The following ACER3 variants were observed in gnomAD, a reference collection of about 807,000 sequenced individuals.
The protein encoded by ACER3 is alkCDase 3.
A neutral mutation model predicts 48.9 loss-of-function variants in ACER3; 16 were observed. The observed-to-expected ratio is 0.33, with a 90% confidence interval of 0.22 to 0.50. ACER3 has a LOEUF of 0.50. Among genes scored for constraint, ACER3 ranks in the 20% least tolerant of loss-of-function variants. The probability of loss-of-function intolerance (pLI) is 0.98; values close to 1 mark genes in which losing one functional copy is unlikely to be tolerated. For missense variants in ACER3, 227 were observed against 326.0 expected (o/e 0.70, Z 2.34); for synonymous variants, 109 against 107.8 (o/e 1.01, Z -0.07).
chr11:76,896,348 A>G (rs1476782263), intron 1 of ACER3, among the ~76,000 whole-genome samples: 1 of 152,078 alleles, frequency 6.6e-6, no homozygotes, highest in Non-Finnish European at 1.5e-5. Flanking sequence ...CTCCTATGCC[A>G]TAGTTAAGGG....
intron 2 of ACER3, among the ~76,000 whole-genome samples, chr11:76,932,696 C>T (rs1426841550): frequency 6.6e-6 from 1 of 152,118 alleles, no homozygotes; most frequent in African/African-American, 2.4e-5. Context: ...CTACGTGCAA[C>T]CCACACTTTC....
intron 2 of ACER3, among the ~76,000 whole-genome samples, chr11:76,953,327 G>T (rs112886599): frequency 0.026 from 4,016 of 152,174 alleles, 173 homozygotes; most frequent in African/African-American, 0.092. Context: ...GGCTGGGTGC[G>T]GTGGCTTACA....
In ACER3 at chr11:77,019,752, C is replaced by G. The variant is rs1380662168; in HGVS notation, c.726C>G (p.Tyr242Ter). The G allele has an allele frequency of 2.5e-6, 4 of 1,613,882 alleles. No homozygotes were observed. Among genetic ancestry groups the G allele is most frequent in the Non-Finnish European group, 3.4e-6 (4 of 1,179,976 alleles). Residue 242 changes from tyrosine (Y) to a stop codon, truncating the protein, a stop_gained, in exon 10 of 11, where the codon TAC becomes TAG. Coordinates refer to ENST00000532485, the MANE Select transcript of ACER3 (RefSeq NM_018367.7). LOFTEE classifies it high-confidence loss of function. ...TCAGTTTGTATACAAGAACACTTTA[C>G]CTGAGATATAGGCCAAAAGTGAAGG... ...ILFSLYTRTL[Y>*]LRYRPKVKFL...
intron 3 of ACER3, among the ~76,000 whole-genome samples, chr11:76,968,471 G>A (rs1275061722): frequency 6.6e-6 from 1 of 152,114 alleles, no homozygotes; most frequent in African/African-American, 2.4e-5. Context: ...CCAAAAAAGA[G>A]CCCGCATAGC....
Position 77,015,029 on chromosome 11 carries a change from C to T in ACER3, c.511C>T (p.Leu171Phe). The T allele has an allele frequency of 6.3e-7, 1 of 1,596,432 alleles. No homozygotes were observed. The highest frequency in any genetic ancestry group is 8.6e-7 in the Non-Finnish European group (1 of 1,164,396). ...TCCCCCCCACAGGGTTTATCCATGG[C>T]TTAGAGGACTGGGTTATACATCATT... ...IYIVTWVYPW[L>F]RGLGYTSLGI... The change falls in exon 8 of 11, where the codon CTT (leucine) becomes TTT (phenylalanine). Residue 171 changes from leucine to phenylalanine, a missense_variant. By Grantham distance (22) the Leu-to-Phe change is conservative. Around this residue, in one of 3 missense-constraint regions of ACER3, gnomAD observed 195 missense variants for 290.8 expected, o/e 0.67. Transcript: ENST00000532485.
intron 1 of ACER3, among the ~76,000 whole-genome samples, chr11:76,871,813 A>T (rs1017739710): frequency 2.6e-5 from 4 of 152,218 alleles, no homozygotes; most frequent in Admixed American, 2.6e-4. Flanking sequence ...ATTTCAAATT[A>T]TGTCAAAAAA....
At chr11:76,969,387 C>A (rs540481974) in intron 3 of ACER3, among the ~76,000 whole-genome samples, 2 of 152,218 alleles carry the variant, frequency 1.3e-5, no homozygotes, top group South Asian at 4.1e-4. Flanking sequence ...GACAGTGTGG[C>A]GATTCCTCGA....
rs187937280 is a variant in ACER3, at chr11:76,977,885, T to G, written c.320+1544T>G. ...AAAGTGCCTGCTCCCACTGCCTGGC[T>G]TCTCTCCGCTCCCAGCTCCCACTCC... On this transcript the variant is annotated intron_variant, in intron 4 of 10. Transcript: ENST00000532485. Among the ~76,000 whole-genome samples, 1,508 of 152,308 alleles carry G rather than the reference T, an allele frequency of 9.9e-3. 19 individuals are homozygous for G. The highest frequency in any genetic ancestry group is 0.011 in the Non-Finnish European group (735 of 68,024).
intron 1 of ACER3, among the ~76,000 whole-genome samples, chr11:76,922,114 A>G (rs1279834054): frequency 6.6e-6 from 1 of 152,066 alleles, no homozygotes; most frequent in Admixed American, 6.6e-5. Flanking sequence ...GCCTACTGTC[A>G]TCTTTCTGTC....
chr11:76,972,060 G>T (rs1325015709), intron 3 of ACER3, among the ~76,000 whole-genome samples: 1 of 152,192 alleles, frequency 6.6e-6, no homozygotes. Flanking sequence ...ATATATCAAA[G>T]AAATATATTT....
chr11:76,957,557 C>T, intron 2 of ACER3: 1 of 406,682 alleles, frequency 2.5e-6, no homozygotes, highest in South Asian at 1.8e-5. Context: ...GATCCTTCTG[C>T]CTCAGCCTCC....
chr11:76,949,652 T>C (rs1947583003), intron 2 of ACER3, among the ~76,000 whole-genome samples: 1 of 152,240 alleles, frequency 6.6e-6, no homozygotes, highest in Non-Finnish European at 1.5e-5. Flanking sequence ...CTTAAATAAC[T>C]TCTCCACTCT....
chr11:76,921,937 C>G (rs1946694975), intron 1 of ACER3, among the ~76,000 whole-genome samples: 1 of 152,116 alleles, frequency 6.6e-6, no homozygotes, highest in Non-Finnish European at 1.5e-5. Flanking sequence ...TTATATGAGT[C>G]TCTACTCTGA....
chr11:76,879,580 A>G (rs183158452), intron 1 of ACER3, among the ~76,000 whole-genome samples: 19 of 152,344 alleles, frequency 1.2e-4, no homozygotes, highest in Admixed American at 3.3e-4. Flanking sequence ...GGTCTTTTGC[A>G]GATATCCTGT....
chr11:76,995,059 T>C (rs1948884745), intron 6 of ACER3, among the ~76,000 whole-genome samples: 1 of 152,194 alleles, frequency 6.6e-6, no homozygotes, highest in African/African-American at 2.4e-5. Context: ...AAACTAGTGC[T>C]ATAGGATGAT....
chr11:77,020,267 C>G lies in ACER3; in HGVS notation c.751-7C>G. ...TTCTCATTTTGTCCTAATTTGTCCC[C>G]AAACAGTTTCTCTTTGGAATCTGGC... On this transcript the variant is annotated splice_region_variant and splice_polypyrimidine_tract_variant and intron_variant, in intron 10 of 10. Transcript: ENST00000532485. The G allele has an allele frequency of 1.2e-6, 2 of 1,613,490 alleles. No individual in the cohort carries two copies. Among genetic ancestry groups the G allele is most frequent in the East Asian group, 2.2e-5 (1 of 44,868 alleles).
chr11:76,933,614 A>G (rs1947078954), intron 2 of ACER3, among the ~76,000 whole-genome samples: 1 of 152,116 alleles, frequency 6.6e-6, no homozygotes, highest in African/African-American at 2.4e-5. Context: ...GTCATAGATC[A>G]ACAGGATCCC....
At chr11:76,878,704 C>T (rs960074833) in intron 1 of ACER3, among the ~76,000 whole-genome samples, 2 of 151,914 alleles carry the variant, frequency 1.3e-5, no homozygotes, top group African/African-American at 4.8e-5. Context: ...ATTGGAATTG[C>T]CAGGTTAGGG....
intron 1 of ACER3, among the ~76,000 whole-genome samples, chr11:76,886,193 G>A (rs1655181087): frequency 6.6e-6 from 1 of 152,162 alleles, no homozygotes; most frequent in South Asian, 2.1e-4. Flanking sequence ...GGTAATCTGG[G>A]GTAATGATGT....
Sources: allele counts gnomAD v4.1 joint callset (sites outside exome capture counted in the v4.1 genomes callset), GRCh38; gene constraint gnomAD v4.1.1; regional missense constraint gnomAD v4.1.1; transcripts MANE v1.5; gene names NCBI Gene and HGNC (gene_info 2026-07-23, HGNC 2026-07-21).